The following DNAH5 variants were observed in gnomAD, a reference collection of about 807,000 sequenced individuals.
DNAH5 encodes the protein axonemal beta dynein heavy chain 5.
DNAH5 carries 372 observed loss-of-function variants against 518.2 expected under a neutral mutation model. That is an observed-to-expected ratio of 0.72 (90% CI 0.66 to 0.78). DNAH5 has a LOEUF of 0.78. Ranked by LOEUF, DNAH5 falls within the 30% of genes least tolerant of loss-of-function variation. DNAH5 has a pLI of 0.00. For synonymous variants in DNAH5, 2,039 were observed against 2,025.9 expected (o/e 1.01, Z -0.17); for missense variants, 5,523 against 5,687.0 (o/e 0.97, Z 0.93).
At chr5:14,011,760 G>T (rs1298551112) in exon 1 of DNAH5, among the ~76,000 whole-genome samples, 2 of 152,182 alleles carry the variant, frequency 1.3e-5, no homozygotes, top group Non-Finnish European at 2.9e-5. Context: ...GCTCTCCGGA[G>T]TCCGCTCAGG....
intron 3 of DNAH5, among the ~76,000 whole-genome samples, chr5:13,924,583 G>A (rs566238557): frequency 6.6e-6 from 1 of 151,894 alleles, no homozygotes; most frequent in Admixed American, 6.5e-5. Flanking sequence ...GCTGAGGCAG[G>A]AGAATCGCTT....
chr5:13,753,243 T>C lies in DNAH5; in HGVS notation c.10862A>G (p.Asn3621Ser). 6.2e-7 allele frequency: 1 copy of C among 1,613,614 alleles called. No individual in the cohort carries two copies. Among genetic ancestry groups the C allele is most frequent in the Non-Finnish European group, 8.5e-7 (1 of 1,179,600 alleles). The change falls in exon 63 of 79, where the codon AAT (asparagine) becomes AGT (serine). Residue 3621 changes from asparagine to serine, a missense_variant. Asn to Ser is a conservative substitution (Grantham distance 46). This residue lies in a region of DNAH5 where 5,121 missense variants were observed against 5,223.3 expected (regional missense o/e 0.98). Transcript: ENST00000265104. ...KIWIKNKESR[N>S]ELQITSLNHK... The stretch of plus-strand genomic sequence containing the variant: ...TAAAACACAAATTACCTGGAGTTCA[T>C]TTCGGCTTTCTTTATTTTTAATCCA...
At chr5:13,856,347 C>T (rs1767632966) in intron 30 of DNAH5, among the ~76,000 whole-genome samples, 1 of 152,048 alleles carries the variant, frequency 6.6e-6, no homozygotes, top group African/African-American at 2.4e-5. Flanking sequence ...ATACAAACTG[C>T]CATCAGAGAA....
At chr5:13,972,446 T>C (rs1781941915) in intron 1 of DNAH5, among the ~76,000 whole-genome samples, 1 of 152,152 alleles carries the variant, frequency 6.6e-6, no homozygotes, top group African/African-American at 2.4e-5. Context: ...GGCAGCTCTC[T>C]CCAAGGACCC....
intron 69 of DNAH5, 60 bp from the exon 70 acceptor site, chr5:13,727,716 T>A: frequency 6.3e-7 from 1 of 1,588,928 alleles, no homozygotes; most frequent in Non-Finnish European, 8.6e-7. Flanking sequence ...CAGTAACAGG[T>A]CATAGATATG....
At position 13,882,738 on chromosome 5, in the gene DNAH5, A is replaced by G; in HGVS notation, c.3252T>C (p.Asn1084=). 1 of 1,612,772 alleles carries G rather than the reference A, an allele frequency of 6.2e-7. No homozygotes were observed. Among genetic ancestry groups the G allele is most frequent in the Non-Finnish European group, 8.5e-7 (1 of 1,178,832 alleles). The change falls in exon 21 of 79, where the codon AAT becomes AAC. Residue 1084 remains asparagine, a synonymous_variant. Coordinates refer to ENST00000265104, the MANE Select transcript of DNAH5 (RefSeq NM_001369.3). ...DSDSDVEMGE[N]ELQDTLEIAS... is the part of the protein sequence containing the mutation. ...TAAAAGAACATTTACCTTGAAGTTC[A>G]TTTTCTCCCATTTCAACATCAGAAT...
chr5:13,861,818 G>A (rs768905387), intron 29 of DNAH5, among the ~76,000 whole-genome samples: 59 of 151,984 alleles, frequency 3.9e-4, no homozygotes, highest in African/African-American at 1.1e-3. Flanking sequence ...TTAGCCAGGC[G>A]TGGTGGCTGT....
intron 47 of DNAH5, 148 bp downstream of exon 47, chr5:13,807,443 T>C (rs1335414515): frequency 4.1e-6 from 3 of 729,066 alleles, no homozygotes; most frequent in African/African-American, 3.6e-5. Flanking sequence ...TGCAGTTGAA[T>C]AATTGAAAGA....
At chr5:13,978,083 G>A (rs1018673065) in intron 1 of DNAH5, among the ~76,000 whole-genome samples, 2 of 152,202 alleles carry the variant, frequency 1.3e-5, no homozygotes, top group Admixed American at 6.5e-5. Flanking sequence ...CGTCCCTATG[G>A]AGGGGAGAAT....
rs758172356 is a variant in DNAH5 at position 13,717,305 on chromosome 5, G to A, written c.12705+10C>T. ...CCACTAGAGGCATGAGGCAGCATGCGCGGCAGTACCTTTTTGACATCCATG... is the reference window on the plus strand; with the variant it reads ...CCACTAGAGGCATGAGGCAGCATGCACGGCAGTACCTTTTTGACATCCATG... On this transcript the variant is annotated intron_variant, in intron 73 of 78. Coordinates refer to ENST00000265104, the MANE Select transcript of DNAH5 (RefSeq NM_001369.3). The A allele has an allele frequency of 1.9e-5, 30 of 1,612,318 alleles. No homozygotes were observed. The highest frequency in any genetic ancestry group is 4.0e-5 in the African/African-American group (3 of 74,880).
At chr5:13,956,049 G>C (rs1561003354) in intron 1 of DNAH5, among the ~76,000 whole-genome samples, 1 of 152,172 alleles carries the variant, frequency 6.6e-6, no homozygotes, top group East Asian at 1.9e-4. Context: ...GGTGGTACAT[G>C]CTCTTCCCTA....
intron 30 of DNAH5, among the ~76,000 whole-genome samples, chr5:13,853,527 G>C (rs577516700): frequency 6.6e-6 from 1 of 152,016 alleles, no homozygotes; most frequent in African/African-American, 2.4e-5. Flanking sequence ...TGAGTTTGAC[G>C]AATTGACAGA....
chr5:13,860,400 G>A (rs1171264285), intron 29 of DNAH5: 2 of 152,180 alleles, frequency 1.3e-5, no homozygotes, highest in East Asian at 3.8e-4. Context: ...GAATCATCTC[G>A]CCAGCATTAA....
In DNAH5 at chr5:13,735,138, A is replaced by T; in HGVS notation, c.11754T>A (p.Leu3918=). Residue 3918 remains leucine (L), a synonymous_variant, in exon 68 of 79, where the codon CTT becomes CTA. Transcript: ENST00000265104. ...CTCTATTCTTATATTGACCTTTAAT[A>T]AGAGTGAGAAACTCTTCATGCTTGA... The part of the protein sequence containing the change: ...NRVKHEEFLT[L]IKGGASLDLK... The T allele has an allele frequency of 6.2e-7, 1 of 1,614,030 alleles. No homozygotes were observed. Among genetic ancestry groups the T allele is most frequent in the Non-Finnish European group, 8.5e-7 (1 of 1,179,928 alleles).
At chr5:13,822,259 GT>G (rs1322507714) in intron 40 of DNAH5, among the ~76,000 whole-genome samples, 1 of 141,456 alleles carries the variant, frequency 7.1e-6, no homozygotes, top group African/African-American at 2.6e-5. Flanking sequence ...TCATTTGTTT[GT>G]TTGTTTTTGA....
chr5:13,772,682 T>C (rs1027584846), intron 55 of DNAH5, among the ~76,000 whole-genome samples: 4 of 152,238 alleles, frequency 2.6e-5, no homozygotes, highest in South Asian at 2.1e-4. Context: ...TCACTTTTTT[T>C]CCAAAGGTAT....
At position 13,737,316 on chromosome 5, in the gene DNAH5, C is replaced by G. The variant is rs1167638634; in HGVS notation, c.11391G>C (p.Gln3797His). The change falls in exon 66 of 79, where the codon CAG (glutamine) becomes CAC (histidine). Residue 3797 changes from glutamine (Q) to histidine (H), a missense_variant. This residue lies in a region of DNAH5 where 5,121 missense variants were observed against 5,223.3 expected (regional missense o/e 0.98). Transcript: ENST00000265104. ...NTKRTAEEVT[Q>H]KLEISAETEV... ...CTGTCTCAGCAGAAATTTCTAGCTT[C>G]TGTGTCACCTCCTCGGCTGTCCTTT... 2.5e-6 allele frequency: 4 copies of G among 1,614,024 alleles called. No homozygotes were observed. The highest frequency in any genetic ancestry group is 3.4e-6 in the Non-Finnish European group (4 of 1,180,008).
chr5:13,713,426 TAC>T (rs1266322596), intron 75 of DNAH5, among the ~76,000 whole-genome samples: 1 of 111,728 alleles, frequency 9.0e-6, no homozygotes, highest in South Asian at 2.8e-4. Context: ...TATATATATA[TAC>T]ATCGACATAT....
chr5:13,931,211 C>T lies in DNAH5; in HGVS notation c.91G>A (p.Ala31Thr), dbSNP rs1467083511. The T allele has an allele frequency of 6.2e-7, 1 of 1,614,110 alleles. No homozygotes were observed. Among genetic ancestry groups the T allele is most frequent in the Non-Finnish European group, 8.5e-7 (1 of 1,179,970 alleles). Reference sequence around the variant, plus strand: ...TAGTTATGCCTCGCATCCAAAAGAGCCCGCTTGGCTTCCTTCTCTCCCTTC... The same window carrying T: ...TAGTTATGCCTCGCATCCAAAAGAGTCCGCTTGGCTTCCTTCTCTCCCTTC... ...RLKGEKEAKRALLDARHNYLF... is the reference protein window; with the variant it reads ...RLKGEKEAKRTLLDARHNYLF... The change falls in exon 2 of 79, where the codon GCT (alanine) becomes ACT (threonine). Residue 31 changes from alanine to threonine, a missense_variant. Around this residue, in one of 3 missense-constraint regions of DNAH5, gnomAD observed 5,121 missense variants for 5,223.3 expected, o/e 0.98. Coordinates refer to ENST00000265104, the MANE Select transcript of DNAH5 (RefSeq NM_001369.3).
Sources: gnomAD v4.1 joint callset for allele counts (sites outside exome capture counted in the v4.1 genomes callset) on GRCh38, gnomAD v4.1.1 for gene constraint, gnomAD v4.1.1 regional missense constraint, MANE v1.5 for transcripts, NCBI Gene and HGNC (gene_info 2026-07-23, HGNC 2026-07-21) for gene names.